The following LRIF1 variants were observed in gnomAD, a reference collection of about 807,000 sequenced individuals.
LRIF1 encodes ligand-dependent nuclear receptor-interacting factor 1.
A neutral mutation model predicts 52.7 loss-of-function variants in LRIF1; 32 were observed. That is an observed-to-expected ratio of 0.61 (90% confidence interval 0.46 to 0.82). The LOEUF (loss-of-function observed/expected upper bound fraction) is 0.82, where lower values mean the gene tolerates loss of function less well. Among genes scored for constraint, LRIF1 ranks in the 40% least tolerant of loss-of-function variants. The probability of loss-of-function intolerance (pLI) is 0.00; values close to 1 mark genes in which losing one functional copy is unlikely to be tolerated. For missense variants in LRIF1, 887 were observed against 892.0 expected, an observed-to-expected ratio of 0.99 and a Z score of 0.07; for synonymous variants, 323 against 317.4, an observed-to-expected ratio of 1.02 and a Z score of -0.19.
chr1:110,931,471 A>G, the LRIF1 span, among the ~76,000 whole-genome samples: 4 of 152,198 alleles, frequency 2.6e-5, no homozygotes, highest in African/African-American at 4.8e-5. Flanking sequence ...TTATAGTAGC[A>G]TGATTTAAAA....
chr1:110,963,397 C>A, intron 1 of LRIF1: 1 of 351,128 alleles, frequency 2.8e-6, no homozygotes, highest in Non-Finnish European at 5.3e-6. Context: ...ACGCTGGGGT[C>A]CCGCGGAGCC....
At chr1:110,927,904 G>T in the LRIF1 span, among the ~76,000 whole-genome samples, 1 of 152,096 alleles carries the variant, frequency 6.6e-6, no homozygotes, top group Admixed American at 6.6e-5. Flanking sequence ...AAGAAAAGGT[G>T]AGTATCTTTT....
At chr1:110,885,150 C>A in the LRIF1 span, among the ~76,000 whole-genome samples, 3 of 152,248 alleles carry the variant, frequency 2.0e-5, no homozygotes, top group East Asian at 5.8e-4. Context: ...ACTTCCATTT[C>A]TCCCTTCCCA....
chr1:110,903,655 C>G, the LRIF1 span, among the ~76,000 whole-genome samples: 16 of 152,324 alleles, frequency 1.1e-4, 1 homozygote, highest in African/African-American at 3.8e-4. Context: ...CTTTGGGTGA[C>G]CCTCTGAGAC....
At chr1:110,891,539 C>A in the LRIF1 span, 2 of 1,218,106 alleles carry the variant, frequency 1.6e-6, no homozygotes, top group Non-Finnish European at 2.4e-6. Flanking sequence ...CATTCCTCTA[C>A]TGAAGAGGCT....
At chr1:110,937,350 T>C in the LRIF1 span, 1 of 151,996 alleles carries the variant, frequency 6.6e-6, no homozygotes. Flanking sequence ...TCTTAAAACA[T>C]TCAAAAAAAT....
chr1:110,896,447 G>T, the LRIF1 span, among the ~76,000 whole-genome samples: 2 of 152,132 alleles, frequency 1.3e-5, no homozygotes, highest in Admixed American at 1.3e-4. Flanking sequence ...AAGCACAGGG[G>T]TCTCTACTCC....
At chr1:110,881,750 C>T in the LRIF1 span, among the ~76,000 whole-genome samples, 2 of 152,212 alleles carry the variant, frequency 1.3e-5, no homozygotes, top group African/African-American at 4.8e-5. Context: ...TCCAGTTTCA[C>T]TACATCCTCA....
Position 110,951,936 on chromosome 1 carries a change from C to A in LRIF1, c.948G>T (p.Lys316Asn). 6.2e-7 allele frequency: 1 copy of A among 1,613,900 alleles called. No homozygotes were observed. The highest frequency in any genetic ancestry group is 8.5e-7 in the Non-Finnish European group (1 of 1,179,968). ...TCCTATCTACAAAAGTTTTTAAAAT[C>A]TTTGAAGCCACATTATTTGAAGACT... ...PVKSSNNVASKILKTFVDRKN... is the reference protein window; with the variant it reads ...PVKSSNNVASNILKTFVDRKN... The change falls in exon 2 of 4, where the codon AAG becomes AAT. Residue 316 changes from lysine (K) to asparagine (N), a missense_variant. Coordinates refer to ENST00000369763, the MANE Select transcript of LRIF1 (RefSeq NM_018372.4).
chr1:110,952,948 A>T (rs2101111956), intron 1 of LRIF1, 133 bp from the exon 2 acceptor site: 1 of 407,182 alleles, frequency 2.5e-6, no homozygotes, highest in South Asian at 1.2e-4. Flanking sequence ...TTTTAAAGTG[A>T]AAGACTGCAA....
At chr1:110,959,360 A>C (rs746200771) in intron 1 of LRIF1, among the ~76,000 whole-genome samples, 11 of 152,206 alleles carry the variant, frequency 7.2e-5, no homozygotes, top group Admixed American at 1.3e-4. Flanking sequence ...AGGAGAAGTA[A>C]ATGAAATAAC....
the LRIF1 span, among the ~76,000 whole-genome samples, chr1:110,917,380 A>T: frequency 1.3e-5 from 2 of 152,218 alleles, no homozygotes. Flanking sequence ...AGATTGTTTA[A>T]CCAGCTCCCA....
the LRIF1 span, chr1:110,899,170 A>T: frequency 6.2e-7 from 1 of 1,613,828 alleles, no homozygotes; most frequent in Admixed American, 1.7e-5. Flanking sequence ...CAGATTGACA[A>T]AACCAGCCAG....
the LRIF1 span, among the ~76,000 whole-genome samples, chr1:110,875,422 T>G: frequency 6.6e-6 from 1 of 152,148 alleles, no homozygotes; most frequent in African/African-American, 2.4e-5. Context: ...GAGGCAGGTT[T>G]TTGCCTCCTC....
intron 1 of LRIF1, chr1:110,963,411 G>C: frequency 2.6e-6 from 1 of 379,154 alleles, no homozygotes; most frequent in Admixed American, 3.9e-5. Flanking sequence ...CGGAGCCGCT[G>C]TGTCAGGCTC....
intron 1 of LRIF1, among the ~76,000 whole-genome samples, chr1:110,962,193 G>A (rs749994215): frequency 6.6e-6 from 1 of 151,338 alleles, no homozygotes; most frequent in Non-Finnish European, 1.5e-5. Flanking sequence ...TAAGTATTCA[G>A]GTACTAAAAT....
chr1:110,895,644 G>A, the LRIF1 span, among the ~76,000 whole-genome samples: 1 of 152,136 alleles, frequency 6.6e-6, no homozygotes, highest in African/African-American at 2.4e-5. Flanking sequence ...ATTAGAGCCT[G>A]GAGACCAGAA....
At chr1:110,925,344 T>G in the LRIF1 span, among the ~76,000 whole-genome samples, 1 of 152,328 alleles carries the variant, frequency 6.6e-6, no homozygotes, top group Admixed American at 6.5e-5. Context: ...GTCTCCAACC[T>G]GTCAGCCTAC....
chr1:110,879,505 T>G, the LRIF1 span, among the ~76,000 whole-genome samples: 4 of 144,672 alleles, frequency 2.8e-5, no homozygotes, highest in Non-Finnish European at 6.2e-5. Flanking sequence ...TATAAACATA[T>G]TTTTGTCTTA....
Sources: gnomAD v4.1 joint callset for allele counts (sites outside exome capture counted in the v4.1 genomes callset) on GRCh38, gnomAD v4.1.1 for gene constraint, MANE v1.5 for transcripts, NCBI Gene and HGNC (gene_info 2026-07-23, HGNC 2026-07-21) for gene names.